Variants in MEGF11 observed in about 807,000 individuals in gnomAD.
MEGF11 encodes multiple epidermal growth factor-like domains protein 11.
MEGF11 carries 126 observed loss-of-function variants against 146.6 expected under a neutral mutation model. The ratio of observed to expected loss-of-function variants is 0.86; its 90% CI spans 0.74 to 1.00. The LOEUF is 1.00. Ranked by LOEUF, MEGF11 falls within the 50% of genes least tolerant of loss-of-function variation. The pLI, the probability that MEGF11 is intolerant of heterozygous loss-of-function variation, is 0.00. For synonymous variants in MEGF11, 532 were observed against 583.4 expected, an observed-to-expected ratio of 0.91 and a Z score of 1.27; for missense variants, 1,509 against 1,521.2, an observed-to-expected ratio of 0.99 and a Z score of 0.13.
intron 15 of MEGF11, among the ~76,000 whole-genome samples, chr15:65,921,056 G>A (rs933667707): frequency 6.6e-5 from 10 of 152,142 alleles, no homozygotes; most frequent in Admixed American, 3.9e-4. Context: ...TTTCTCTGGG[G>A]CTCAAACTTC....
intron 5 of MEGF11, among the ~76,000 whole-genome samples, chr15:65,984,068 A>G (rs893732075): frequency 7.9e-5 from 12 of 152,178 alleles, no homozygotes; most frequent in African/African-American, 2.9e-4. Flanking sequence ...CCATTACCCT[A>G]TCTTGGTTCA....
At chr15:66,245,184 C>T (rs1024757024) in intron 1 of MEGF11, among the ~76,000 whole-genome samples, 1 of 152,012 alleles carries the variant, frequency 6.6e-6, no homozygotes, top group African/African-American at 2.4e-5. Context: ...GCTGAGTCAG[C>T]CATAATGGTG....
chr15:65,981,881 C>T (rs965722189), intron 6 of MEGF11, among the ~76,000 whole-genome samples: 7 of 152,154 alleles, frequency 4.6e-5, no homozygotes, highest in Non-Finnish European at 8.8e-5. Context: ...TCAGAAGAGA[C>T]TTTCAAGATA....
At chr15:66,086,042 T>C (rs1315880692) in intron 5 of MEGF11, among the ~76,000 whole-genome samples, 1 of 151,886 alleles carries the variant, frequency 6.6e-6, no homozygotes, top group African/African-American at 2.4e-5. Context: ...TCAGCAGAAT[T>C]GGAAAAGTAG....
At chr15:66,186,761 G>A (rs1266271138) in intron 1 of MEGF11, among the ~76,000 whole-genome samples, 1 of 152,250 alleles carries the variant, frequency 6.6e-6, no homozygotes, top group Non-Finnish European at 1.5e-5. Flanking sequence ...AGATGGTCTA[G>A]ACAGGTTTTC....
chr15:66,110,067 A>G (rs932225582), intron 4 of MEGF11, among the ~76,000 whole-genome samples: 3 of 152,236 alleles, frequency 2.0e-5, no homozygotes, highest in East Asian at 1.9e-4. Context: ...GGTACAGAGT[A>G]CTTGTACCAA....
intron 1 of MEGF11, among the ~76,000 whole-genome samples, chr15:66,177,674 CT>C (rs1476767602): frequency 6.6e-6 from 1 of 150,570 alleles, no homozygotes; most frequent in South Asian, 2.1e-4. Flanking sequence ...ATTCCATTGC[CT>C]TTTTCTTCTT....
intron 11 of MEGF11, among the ~76,000 whole-genome samples, 191 bp from the exon 12 acceptor site, chr15:65,930,074 G>A (rs962325522): frequency 6.6e-6 from 1 of 152,170 alleles, no homozygotes; most frequent in African/African-American, 2.4e-5. Flanking sequence ...TAGAACCCAG[G>A]TCTCCTGCCT....
chr15:66,081,651 T>A (rs1394763827), intron 5 of MEGF11, among the ~76,000 whole-genome samples: 3 of 152,136 alleles, frequency 2.0e-5, no homozygotes, highest in African/African-American at 7.2e-5. Flanking sequence ...AGTGCTGGGA[T>A]TACAGGTATG....
At chr15:66,038,529 G>T (rs924488373) in intron 5 of MEGF11, among the ~76,000 whole-genome samples, 1 of 151,990 alleles carries the variant, frequency 6.6e-6, no homozygotes, top group African/African-American at 2.4e-5. Flanking sequence ...GTCTTTTTGC[G>T]GCACTTTAAT....
At chr15:66,015,023 C>T (rs1213407185) in intron 5 of MEGF11, among the ~76,000 whole-genome samples, 2 of 152,146 alleles carry the variant, frequency 1.3e-5, no homozygotes, top group African/African-American at 4.8e-5. Context: ...TAAATCGTCC[C>T]ACCATGATTG....
chr15:66,144,431 C>A (rs573298890), intron 1 of MEGF11, among the ~76,000 whole-genome samples: 3 of 152,146 alleles, frequency 2.0e-5, no homozygotes, highest in Admixed American at 6.5e-5. Flanking sequence ...GCATGGGTAC[C>A]CCCTTCCTGC....
intron 5 of MEGF11, among the ~76,000 whole-genome samples, chr15:66,006,914 C>T (rs753868271): frequency 6.6e-6 from 1 of 152,194 alleles, no homozygotes; most frequent in Non-Finnish European, 1.5e-5. Flanking sequence ...GGAAATTGAG[C>T]CCACTGATCC....
At chr15:65,923,079 A>T in intron 13 of MEGF11, 110 bp from the exon 14 acceptor site, 1 of 1,209,758 alleles carries the variant, frequency 8.3e-7, no homozygotes, top group Non-Finnish European at 1.1e-6. Context: ...AGCATAGTGC[A>T]TCCAGGAATG....
intron 5 of MEGF11, among the ~76,000 whole-genome samples, chr15:66,084,411 G>A (rs767657327): frequency 1.3e-5 from 2 of 152,120 alleles, no homozygotes; most frequent in Admixed American, 6.6e-5. Flanking sequence ...CAGCAATCCC[G>A]AGAGGAACCA....
intron 5 of MEGF11, among the ~76,000 whole-genome samples, chr15:66,010,997 T>C (rs927894272): frequency 1.3e-5 from 2 of 152,134 alleles, no homozygotes; most frequent in Non-Finnish European, 2.9e-5. Flanking sequence ...ATGGAGACTC[T>C]CTATGTGGCA....
chr15:66,139,353 G>A (rs1440704848), intron 1 of MEGF11, among the ~76,000 whole-genome samples: 1 of 152,220 alleles, frequency 6.6e-6, no homozygotes, highest in Non-Finnish European at 1.5e-5. Flanking sequence ...CAGAGTCACT[G>A]TGTGCCTGGC....
chr15:66,098,234 G>A lies in MEGF11; in HGVS notation c.302-3740C>T, dbSNP rs539060123. On this transcript the variant is annotated intron_variant, in intron 4 of 25. Transcript: ENST00000395614. The stretch of plus-strand genomic sequence containing the variant: ...ATCTTGGCACCAAGCAAAGGTGTGT[G>A]TGCGTCAGACTTGGGGTCTCCTCTG... Among the ~76,000 whole-genome samples the A allele has an allele frequency of 4.2e-4, 64 of 152,292 alleles. No individual in the cohort carries two copies. The South Asian group carries it at 0.012, about 30-fold the overall frequency.
chr15:65,959,124 T>C (rs1184092750), intron 9 of MEGF11, among the ~76,000 whole-genome samples: 1 of 152,216 alleles, frequency 6.6e-6, no homozygotes, highest in Non-Finnish European at 1.5e-5. Flanking sequence ...TTCCATTGAT[T>C]CTTTATTCTT....
Sources: gnomAD v4.1 joint callset for allele counts (sites outside exome capture counted in the v4.1 genomes callset) on GRCh38, gnomAD v4.1.1 for gene constraint, MANE v1.5 for transcripts, NCBI Gene and HGNC (gene_info 2026-07-23, HGNC 2026-07-21) for gene names.